Variants in SSRP1 observed in about 807,000 individuals in gnomAD.
SSRP1 encodes the protein structure specific recognition protein 1, also known as FACT complex subunit SSRP1.
SSRP1 carries 21 observed loss-of-function variants against 84.4 expected under a neutral mutation model. The observed-to-expected ratio is 0.25, with a 90% CI of 0.18 to 0.36. The LOEUF (loss-of-function observed/expected upper bound fraction) is 0.36, where lower values mean the gene tolerates loss of function less well. Ranked by LOEUF, SSRP1 falls within the 10% of genes least tolerant of loss-of-function variation. SSRP1 has a pLI of 1.00. For missense variants in SSRP1, 519 were observed against 900.8 expected (o/e 0.58, Z 5.43); for synonymous variants, 319 against 318.3 (o/e 1.00, Z -0.02).
At chr11:57,334,809 T>G (rs1368232009) in intron 2 of SSRP1, among the ~76,000 whole-genome samples, 161 bp from the exon 3 acceptor site, 1 of 152,196 alleles carries the variant, frequency 6.6e-6, no homozygotes, top group Admixed American at 6.5e-5. Flanking sequence ...TAAACCAGAC[T>G]CTGGTATCTA....
chr11:57,326,559 C>T, intron 16 of SSRP1, 81 bp from the exon 17 acceptor site: 12 of 1,603,518 alleles, frequency 7.5e-6, no homozygotes, highest in Non-Finnish European at 1.0e-5. Flanking sequence ...CCGCAATTCC[C>T]TACCGCCCCC....
Position 57,330,434 on chromosome 11 carries a change from C to A in SSRP1, c.1297-5G>T. 6.2e-7 allele frequency: 1 copy of A among 1,613,718 alleles called. No homozygotes were observed. Among genetic ancestry groups the A allele is most frequent in the Non-Finnish European group, 8.5e-7 (1 of 1,180,004 alleles). On this transcript the variant is annotated splice_region_variant and splice_polypyrimidine_tract_variant and intron_variant, in intron 10 of 16. Coordinates refer to ENST00000278412, the MANE Select transcript of SSRP1 (RefSeq NM_003146.3). The surrounding 1 kb of genome is among the most constrained non-coding windows in gnomAD (Gnocchi z 4.0). ...ATCGTAGCTTGGGTTCATGCCCTAG[C>A]CAGGGAAGAGTTCACGGTGGGGCCA...
At chr11:57,328,156 A>C in intron 13 of SSRP1, 141 bp downstream of exon 13, 1 of 1,353,672 alleles carries the variant, frequency 7.4e-7, no homozygotes, top group Non-Finnish European at 1.0e-6. Flanking sequence ...ATAACCCTCA[A>C]GGCTATAATC....
intron 9 of SSRP1, 143 bp from the exon 10 acceptor site, chr11:57,331,070 C>T (rs1158212253): frequency 2.4e-6 from 2 of 816,912 alleles, no homozygotes; most frequent in Admixed American, 4.4e-5. Flanking sequence ...GCTTAGAAAC[C>T]CCCAGAGGAC....
rs147654083 is a variant in SSRP1 at position 57,331,829 on chromosome 11, C to T, written c.1062G>A (p.Pro354=). The change falls in exon 9 of 17, where the codon CCG becomes CCA. Residue 354 remains proline, a synonymous_variant. Transcript: ENST00000278412. The part of the protein sequence containing the change: ...SYKASSGLLY[P]LERGFIYVHK... ...GGACGTAGATGAAGCCCCGCTCCAGCGGGTAGAGCAGTCCTGAGCTTGCCT... is the reference window on the plus strand; with the variant it reads ...GGACGTAGATGAAGCCCCGCTCCAGTGGGTAGAGCAGTCCTGAGCTTGCCT... 2,638 of 1,614,128 alleles carry T rather than the reference C, an allele frequency of 1.6e-3. 5 individuals are homozygous for T. Among genetic ancestry groups the T allele is most frequent in the Non-Finnish European group, 2.1e-3 (2,428 of 1,180,002 alleles).
chr11:57,333,752 A>C (rs1428052515), intron 3 of SSRP1, among the ~76,000 whole-genome samples: 1 of 152,248 alleles, frequency 6.6e-6, no homozygotes, highest in African/African-American at 2.4e-5. Flanking sequence ...GGGCCATCTG[A>C]CTTTATAAAC....
Position 57,326,383 on chromosome 11 carries a change from C to T in SSRP1, c.*24G>A, listed in dbSNP as rs1363782147. The T allele has an allele frequency of 6.8e-6, 11 of 1,612,826 alleles. No homozygotes were observed. The highest frequency in any genetic ancestry group is 1.6e-4 in the Middle Eastern group (1 of 6,080). ...GAGTCGGGGGGTGTGAGAAGGCAAG[C>T]GCAAAGAGAACCTTCCTCCGTTTCT... On this transcript the variant is annotated 3_prime_UTR_variant, in exon 17 of 17. Transcript: ENST00000278412.
At chr11:57,331,448 T>A (rs1221445749) in intron 9 of SSRP1, among the ~76,000 whole-genome samples, 2 of 151,598 alleles carry the variant, frequency 1.3e-5, no homozygotes, top group Non-Finnish European at 2.9e-5. Context: ...ACGGAAAAAG[T>A]TTTTTTTGTT....
chr11:57,330,190 A>G lies in SSRP1; in HGVS notation c.1436-52T>C, dbSNP rs1342478094. On this transcript the variant is annotated intron_variant, in intron 11 of 16. Coordinates refer to ENST00000278412, the MANE Select transcript of SSRP1 (RefSeq NM_003146.3). This position sits in a 1 kb window ranked among gnomAD's most constrained non-coding sequence, Gnocchi z 4.0. ...CTTCTGCCCCAATGGAAATCCCCCC[A>G]CCTCACCCAGGCACCCAGCTCTGGC... 33 of 1,613,728 alleles carry G rather than the reference A, an allele frequency of 2.0e-5. 1 individual carries two copies. Among genetic ancestry groups the G allele is most frequent in the Non-Finnish European group, 2.8e-5 (33 of 1,179,898 alleles).
At position 57,326,814 on chromosome 11, in the gene SSRP1, G is replaced by A. The variant is rs765240099; in HGVS notation, c.1947C>T (p.Ser649=). The A allele has an allele frequency of 2.5e-6, 4 of 1,614,216 alleles. No homozygotes were observed. In the African/African-American group the frequency reaches 4.0e-5, roughly 16 times the overall value. Residue 649 remains serine, a synonymous_variant, in exon 16 of 17, where the codon TCC becomes TCT. Transcript: ENST00000278412. Reference sequence around the variant, plus strand: ...CGCTTAGCTGCCTTGAGGACGACTTGGATGATGAGCCCCTAGAGGGCGTGG... The same window carrying A: ...CGCTTAGCTGCCTTGAGGACGACTTAGATGATGAGCCCCTAGAGGGCGTGG... The part of the protein sequence containing the change: ...KKSTPSRGSS[S]KSSSRQLSES...
chr11:57,333,670 T>A, intron 3 of SSRP1, 130 bp from the exon 4 acceptor site: 1 of 661,178 alleles, frequency 1.5e-6, no homozygotes, highest in Non-Finnish European at 2.7e-6. Context: ...CATGCTGACT[T>A]AGCAACCCAG....
chr11:57,327,447 C>G lies in SSRP1; in HGVS notation c.1850G>C (p.Gly617Ala), dbSNP rs1206712079. The part of the protein sequence containing the change: ...YEKAMKEYEG[G>A]RGESSKRDKS... The stretch of plus-strand genomic sequence containing the variant: ...TCACCTCTTAGAAGACTCGCCTCGG[C>G]CCCCTTCATATTCTTTCATGGCTTT... Residue 617 changes from glycine (G) to alanine (A), a missense_variant, in exon 15 of 17, where the codon GGC (glycine) becomes GCC (alanine). Transcript: ENST00000278412. 6.2e-7 allele frequency: 1 copy of G among 1,614,154 alleles called. No homozygotes were observed. Among genetic ancestry groups the G allele is most frequent in the Admixed American group, 1.7e-5 (1 of 60,024 alleles).
Position 57,330,029 on chromosome 11 carries a change from ATCT to A in SSRP1, c.1481+61_1481+63del, listed in dbSNP as rs1856058652. 1 of 1,592,700 alleles carries A rather than the reference ATCT, an allele frequency of 6.3e-7. No homozygotes were observed. Among genetic ancestry groups the A allele is most frequent in the Non-Finnish European group, 8.6e-7 (1 of 1,160,708 alleles). ...GCTGGGACCTGAGAAATGTCCAGAA[ATCT>A]TCTGGTCCCTTAAGCTTATGGGTCA... On this transcript the variant is annotated intron_variant, in intron 12 of 16. Transcript: ENST00000278412. The surrounding 1 kb of genome is among the most constrained non-coding windows in gnomAD (Gnocchi z 4.0).
intron 12 of SSRP1, 172 bp downstream of exon 12, chr11:57,329,921 T>TA: frequency 3.8e-6 from 3 of 798,198 alleles, no homozygotes; most frequent in East Asian, 2.6e-5. Flanking sequence ...GTCTTGCACT[T>TA]ACAAAGCCCT....
chr11:57,328,321 G>T lies in SSRP1; in HGVS notation c.1587C>A (p.Arg529=), dbSNP rs1485531360. The T allele has an allele frequency of 2.5e-6, 4 of 1,613,996 alleles. No individual in the cohort carries two copies. The highest frequency in any genetic ancestry group is 1.6e-4 in the Middle Eastern group (1 of 6,082). ...CCTCCACAGGCTTCTTGCGGCTCTT[G>T]CGGTCCTTGGCCATCTTGGCCTTTT... ...QLKKAKMAKD[R]KSRKKPVEVK... The change falls in exon 13 of 17, where the codon CGC becomes CGA. Residue 529 remains arginine (R), a synonymous_variant. Transcript: ENST00000278412.
Position 57,332,132 on chromosome 11 carries a change from T to A in SSRP1, c.1001+20A>T. 3 of 1,612,936 alleles carry A rather than the reference T, an allele frequency of 1.9e-6. No homozygotes were observed. The highest frequency in any genetic ancestry group is 2.5e-6 in the Non-Finnish European group (3 of 1,179,870). ...TTTCCCATACCCAGGCAGGGCAGGA[T>A]CCCAGGCCCACACTCTCACCCTTGG... On this transcript the variant is annotated intron_variant, in intron 8 of 16. Coordinates refer to ENST00000278412, the MANE Select transcript of SSRP1 (RefSeq NM_003146.3). This position sits in a 1 kb window ranked among gnomAD's most constrained non-coding sequence, Gnocchi z 5.5.
At position 57,332,457 on chromosome 11, in the gene SSRP1, G is replaced by A; in HGVS notation, c.798C>T (p.Gly266=). The A allele has an allele frequency of 1.2e-6, 2 of 1,614,122 alleles. No individual in the cohort carries two copies. The highest frequency in any genetic ancestry group is 1.7e-6 in the Non-Finnish European group (2 of 1,180,020). The change falls in exon 7 of 17, where the codon GGC becomes GGT. Residue 266 remains glycine, a synonymous_variant. Transcript: ENST00000278412. This position sits in a 1 kb window ranked among gnomAD's most constrained non-coding sequence, Gnocchi z 5.5. ...VISLDPPIKQ[G]QTRYHFLILL... is the part of the protein sequence containing the mutation. ...GGATCAGGAAGTGGTAGCGAGTTTG[G>A]CCTTGCTTGATTGGGGGATCCAGGC...
rs1176228697 is a variant in SSRP1, at chr11:57,335,034, C to T, written c.54+34G>A. 1 of 1,612,734 alleles carries T rather than the reference C, an allele frequency of 6.2e-7. No individual in the cohort carries two copies. Among genetic ancestry groups the T allele is most frequent in the Admixed American group, 1.7e-5 (1 of 60,022 alleles). On this transcript the variant is annotated intron_variant, in intron 2 of 16. Coordinates refer to ENST00000278412, the MANE Select transcript of SSRP1 (RefSeq NM_003146.3). This position sits in a 1 kb window ranked among gnomAD's most constrained non-coding sequence, Gnocchi z 4.6. ...CAAAAACTCTACCCTCCTTCCTTCT[C>T]TCTACTTGTATCACCTGTCCAAGCC...
rs899714842 is a variant in SSRP1 at position 57,330,682 on chromosome 11, A to G, written c.1296+173T>C. 2 of 1,474,660 alleles carry G rather than the reference A, an allele frequency of 1.4e-6. No individual in the cohort carries two copies. The highest frequency in any genetic ancestry group is 2.8e-5 in the African/African-American group (2 of 70,884). 91.3% of individuals were successfully genotyped at this position (1,474,660 alleles called of 1,614,324 possible). A position where few individuals can be genotyped will look rare whatever the true frequency, so the allele number is the denominator to read the frequency against. On this transcript the variant is annotated intron_variant, in intron 10 of 16. Transcript: ENST00000278412. The surrounding 1 kb of genome is among the most constrained non-coding windows in gnomAD (Gnocchi z 4.0). ...CCTGAGGGGCTGCATAGACTGGTCT[A>G]AGGTCATGCAGAGGAAACCTGCACC...
Sources: allele counts gnomAD v4.1 joint callset (sites outside exome capture counted in the v4.1 genomes callset), GRCh38; gene constraint gnomAD v4.1.1; non-coding constraint Gnocchi (gnomAD v3.1); transcripts MANE v1.5; gene names NCBI Gene and HGNC (gene_info 2026-07-23, HGNC 2026-07-21).